Variants in FAT3 observed in about 807,000 individuals in gnomAD.
FAT3 encodes the protein protocadherin Fat 3.
In FAT3, 95 loss-of-function variants were observed where a neutral mutation model predicts 310.2. The ratio of observed to expected loss-of-function variants is 0.31; its 90% CI spans 0.26 to 0.36. FAT3 has a LOEUF of 0.36. FAT3 is among the 10% of genes least tolerant of loss of function. The pLI, the probability that FAT3 is intolerant of heterozygous loss-of-function variation, is 1.00. For synonymous variants in FAT3, 2,314 were observed against 2,192.9 expected (o/e 1.06, Z -1.54); for missense variants, 5,408 against 5,715.6 (o/e 0.95, Z 1.74).
chr11:92,478,938 T>C (rs1284529032), intron 2 of FAT3, among the ~76,000 whole-genome samples: 1 of 86,962 alleles, frequency 1.1e-5, no homozygotes, highest in Non-Finnish European at 2.2e-5. Flanking sequence ...TTCCTTCTCT[T>C]TCTTTCTTTC....
At chr11:92,267,075 G>T (rs1325464703) in intron 1 of FAT3, among the ~76,000 whole-genome samples, 6 of 120,296 alleles carry the variant, frequency 5.0e-5, no homozygotes. Context: ...TGTCACGCGG[G>T]TGTAGCTTTC....
intron 1 of FAT3, among the ~76,000 whole-genome samples, chr11:92,296,574 C>T (rs1270246635): frequency 6.6e-6 from 1 of 152,056 alleles, no homozygotes; most frequent in East Asian, 1.9e-4. Flanking sequence ...CTGCTGGTGG[C>T]CACGTGCATG....
In FAT3 at chr11:92,305,965, T is replaced by A. The variant is rs114430423; in HGVS notation, c.-17-46131T>A. Among the ~76,000 whole-genome samples, 1,335 of 152,274 alleles carry A rather than the reference T, an allele frequency of 8.8e-3. 10 individuals are homozygous for A. The highest frequency in any genetic ancestry group is 0.03 in the African/African-American group (1,255 of 41,550). ...TATCAATGTTAATTTCCTATCATTG[T>A]TATGTAGTTACGTAAAATGTTAATA... On this transcript the variant is annotated intron_variant, in intron 1 of 27. Transcript: ENST00000525166.
chr11:92,510,495 G>A (rs1459790507), intron 2 of FAT3, among the ~76,000 whole-genome samples: 1 of 152,118 alleles, frequency 6.6e-6, no homozygotes, highest in Non-Finnish European at 1.5e-5. Flanking sequence ...CAAGCTGTTG[G>A]TGCCTGGTGC....
rs1216087608 is a variant in FAT3, at chr11:92,354,970, C to T, written c.2858C>T (p.Thr953Ile). 7.4e-6 allele frequency: 12 copies of T among 1,613,884 alleles called. No individual in the cohort carries two copies. Among genetic ancestry groups the T allele is most frequent in the Non-Finnish European group, 9.3e-6 (11 of 1,179,860 alleles). Reference sequence around the variant, plus strand: ...GTTCTTGAAGATCTCCCTGTTGGCACTGTCATTGCTTGGCTTGAGACCCAT... The same window carrying T: ...GTTCTTGAAGATCTCCCTGTTGGCATTGTCATTGCTTGGCTTGAGACCCAT... Reference protein sequence around the residue: ...VKVLEDLPVGTVIAWLETHDP... With the variant: ...VKVLEDLPVGIVIAWLETHDP... Residue 953 changes from threonine (T) to isoleucine (I), a missense_variant, in exon 2 of 28, where the codon ACT (threonine) becomes ATT (isoleucine). Thr to Ile is a moderately conservative substitution (Grantham distance 89). Transcript: ENST00000525166.
chr11:92,367,006 A>G, intron 2 of FAT3: 1 of 518,400 alleles, frequency 1.9e-6, no homozygotes, highest in Non-Finnish European at 3.8e-6. Flanking sequence ...TCAAGTCCTC[A>G]TTACTGGCAG....
chr11:92,792,474 A>T (rs1172811004), intron 8 of FAT3, among the ~76,000 whole-genome samples: 2 of 152,174 alleles, frequency 1.3e-5, no homozygotes, highest in Non-Finnish European at 2.9e-5. Flanking sequence ...GAGCCAGAGC[A>T]CAGTGCTGTG....
chr11:92,290,068 G>A (rs118088158), intron 1 of FAT3, among the ~76,000 whole-genome samples: 4 of 152,092 alleles, frequency 2.6e-5, no homozygotes, highest in Middle Eastern at 3.4e-3. Flanking sequence ...TGCTTTGGCC[G>A]TATCTTCAGC....
At chr11:92,419,313 G>A (rs1950488869) in intron 2 of FAT3, among the ~76,000 whole-genome samples, 1 of 152,046 alleles carries the variant, frequency 6.6e-6, no homozygotes, top group African/African-American at 2.4e-5. Flanking sequence ...TCTTTGTGTA[G>A]CATTCTTAAA....
At chr11:92,830,724 C>T (rs1292428140) in intron 13 of FAT3, among the ~76,000 whole-genome samples, 1 of 152,108 alleles carries the variant, frequency 6.6e-6, no homozygotes, top group Admixed American at 6.6e-5. Flanking sequence ...CTGCAGCCCT[C>T]CCCATCTCAG....
intron 16 of FAT3, 143 bp from the exon 17 acceptor site, chr11:92,837,520 C>G (rs549973823): frequency 1.0e-6 from 1 of 994,934 alleles, no homozygotes; most frequent in South Asian, 1.7e-5. Flanking sequence ...GTCAGTGGTG[C>G]CAAGAATCAC....
At chr11:92,718,139 G>A (rs1944743698) in intron 4 of FAT3, among the ~76,000 whole-genome samples, 2 of 152,054 alleles carry the variant, frequency 1.3e-5, no homozygotes, top group Admixed American at 1.3e-4. Flanking sequence ...CTATAATCCT[G>A]AGACATTGAC....
rs752489854 is a variant in FAT3 at position 92,790,163 on chromosome 11, A to C, written c.4556A>C (p.Tyr1519Ser). The C allele has an allele frequency of 1.1e-5, 18 of 1,613,632 alleles. No individual in the cohort carries two copies. In the African/African-American group the frequency reaches 2.3e-4, roughly 20 times the overall value. Residue 1519 changes from tyrosine to serine, a missense_variant, in exon 8 of 28, where the codon TAT becomes TCT. Tyr to Ser is a moderately radical substitution (Grantham distance 144). This residue lies in a region of FAT3 where 4,588 missense variants were observed against 4,809.8 expected (regional missense o/e 0.95). Coordinates refer to ENST00000525166, the MANE Select transcript of FAT3 (RefSeq NM_001367949.2). ...FRIDPSTGVL[Y>S]TAERLDHEAQ... ...ATTGACCCTAGCACTGGCGTGCTCT[A>C]TACTGCCGAGAGGCTGGACCATGAG...
intron 22 of FAT3, among the ~76,000 whole-genome samples, chr11:92,878,078 A>G (rs965096891): frequency 6.6e-6 from 1 of 152,176 alleles, no homozygotes; most frequent in Non-Finnish European, 1.5e-5. Context: ...GTATGTGGAG[A>G]GAGACTGATT....
At chr11:92,303,650 A>G (rs1947053030) in intron 1 of FAT3, among the ~76,000 whole-genome samples, 1 of 152,168 alleles carries the variant, frequency 6.6e-6, no homozygotes, top group African/African-American at 2.4e-5. Context: ...AGAGCAATAA[A>G]TGTATTGTTG....
chr11:92,375,767 C>T (rs900622235), intron 2 of FAT3, among the ~76,000 whole-genome samples: 2 of 152,140 alleles, frequency 1.3e-5, no homozygotes. Context: ...GCACTTTATA[C>T]TTATATTGTG....
chr11:92,534,131 A>G (rs1022215707), intron 3 of FAT3, among the ~76,000 whole-genome samples: 2 of 152,112 alleles, frequency 1.3e-5, no homozygotes, highest in African/African-American at 4.8e-5. Context: ...AGACTCCTAG[A>G]TACTGCTGGG....
In FAT3 at chr11:92,895,763, G is replaced by C. The variant is rs993909187; in HGVS notation, c.*4650G>C. The C allele has an allele frequency of 2.6e-5, 4 of 152,076 alleles. No homozygotes were observed. The highest frequency in any genetic ancestry group is 9.7e-5 in the African/African-American group (4 of 41,412). The allele number at this position is 152,076 out of a possible 1,614,324, so 9.4% of individuals were successfully genotyped here. A position where few individuals can be genotyped will look rare whatever the true frequency, so the allele number is the denominator to read the frequency against. On this transcript the variant is annotated 3_prime_UTR_variant, in exon 28 of 28. Coordinates refer to ENST00000525166, the MANE Select transcript of FAT3 (RefSeq NM_001367949.2). ...CTGGTTTGTAAAAGATGTATGTTTT[G>C]GTGTTTGAAATGTTTATAAAATTGT...
intron 25 of FAT3, 60 bp downstream of exon 25, chr11:92,887,173 A>G (rs1949814624): frequency 6.9e-7 from 1 of 1,449,990 alleles, no homozygotes; most frequent in African/African-American, 1.4e-5. Flanking sequence ...CTGGAAGACC[A>G]TGGTTGGGAG....
Sources: gnomAD v4.1 joint callset for allele counts (sites outside exome capture counted in the v4.1 genomes callset) on GRCh38, gnomAD v4.1.1 for gene constraint, gnomAD v4.1.1 regional missense constraint, MANE v1.5 for transcripts, NCBI Gene and HGNC (gene_info 2026-07-23, HGNC 2026-07-21) for gene names.